PARD3B: variants seen among roughly 807,000 people sequenced by gnomAD.
PARD3B encodes partitioning defective 3 homolog B.
PARD3B carries 103 observed loss-of-function variants against 130.2 expected under a neutral mutation model. The observed-to-expected ratio is 0.79, with a 90% confidence interval of 0.67 to 0.93. The LOEUF (loss-of-function observed/expected upper bound fraction) is 0.93. PARD3B is among the 40% of genes least tolerant of loss of function. PARD3B has a pLI of 0.00. For synonymous variants in PARD3B, 583 were observed against 553.2 expected, an observed-to-expected ratio of 1.05 and a Z score of -0.76; for missense variants, 1,609 against 1,499.2, an observed-to-expected ratio of 1.07 and a Z score of -1.21.
At chr2:204,949,093 C>T (rs1689561838) in intron 2 of PARD3B, among the ~76,000 whole-genome samples, 2 of 152,102 alleles carry the variant, frequency 1.3e-5, no homozygotes, top group African/African-American at 4.8e-5. Flanking sequence ...TGAGATAAAA[C>T]TATTGAAAAC....
At chr2:205,056,654 A>G (rs1344159964) in intron 4 of PARD3B, among the ~76,000 whole-genome samples, 1 of 151,838 alleles carries the variant, frequency 6.6e-6, no homozygotes. Flanking sequence ...AAATTTTCAG[A>G]CTCACATAGC....
chr2:205,096,018 T>C (rs1387479568), intron 4 of PARD3B, among the ~76,000 whole-genome samples: 1 of 152,130 alleles, frequency 6.6e-6, no homozygotes, highest in East Asian at 1.9e-4. Context: ...ATAGATTTAT[T>C]CCTCAAAAGT....
At chr2:205,393,814 G>A (rs2045936377) in intron 18 of PARD3B, among the ~76,000 whole-genome samples, 2 of 152,028 alleles carry the variant, frequency 1.3e-5, no homozygotes, top group Non-Finnish European at 1.5e-5. Context: ...AAATGCCAGA[G>A]GACAAGCTGT....
intron 21 of PARD3B, among the ~76,000 whole-genome samples, chr2:205,547,163 C>CTAA (rs2052414688): frequency 6.6e-6 from 1 of 152,140 alleles, no homozygotes; most frequent in South Asian, 2.1e-4. Flanking sequence ...CTAGGAGACA[C>CTAA]TAATACATGT....
intron 20 of PARD3B, among the ~76,000 whole-genome samples, chr2:205,489,551 T>TATATACTTATATATATAC (rs1553524259): frequency 7.2e-6 from 1 of 138,494 alleles, no homozygotes; most frequent in African/African-American, 2.7e-5. Flanking sequence ...TATATATGTA[T>TATATACTTATATATATAC]ATATATACAT....
chr2:205,275,105 G>C (rs1240696613), intron 16 of PARD3B, among the ~76,000 whole-genome samples: 3 of 151,950 alleles, frequency 2.0e-5, no homozygotes, highest in African/African-American at 7.3e-5. Flanking sequence ...CTGCTTGAGA[G>C]GGAAGTGACT....
intron 10 of PARD3B, among the ~76,000 whole-genome samples, chr2:205,150,223 G>GTT (rs2033650504): frequency 1.7e-5 from 2 of 116,076 alleles, no homozygotes; most frequent in African/African-American, 6.4e-5. Flanking sequence ...GTGTGTGTGT[G>GTT]TGTGTGTGTG....
At chr2:205,543,561 TAC>T (rs1290757499) in intron 21 of PARD3B, among the ~76,000 whole-genome samples, 2 of 152,190 alleles carry the variant, frequency 1.3e-5, no homozygotes, top group African/African-American at 4.8e-5. Context: ...ACTGCCAACA[TAC>T]GAGCAGCATT....
At chr2:205,014,006 C>T (rs964482773) in intron 3 of PARD3B, among the ~76,000 whole-genome samples, 5 of 152,060 alleles carry the variant, frequency 3.3e-5, no homozygotes, top group African/African-American at 9.7e-5. Flanking sequence ...TTCACATTGC[C>T]GACAGCCCAC....
chr2:204,547,892 A>G (rs745705426), intron 1 of PARD3B, among the ~76,000 whole-genome samples: 5 of 152,180 alleles, frequency 3.3e-5, no homozygotes, highest in Non-Finnish European at 7.4e-5. Flanking sequence ...CGTAACTTAT[A>G]ATATCACAGA....
rs1362143676 is a variant in PARD3B at position 204,943,522 on chromosome 2, A to G, written c.223-21630A>G. ...CTTGCCCAGTGGTTATATGTGTGCC[A>G]GGTTTGAGGATCCTGCAAATTGCTC... On this transcript the variant is annotated intron_variant, in intron 2 of 22. Transcript: ENST00000406610. The surrounding 1 kb of genome is among the most constrained non-coding windows in gnomAD (Gnocchi z 4.2). Among the ~76,000 whole-genome samples the G allele has an allele frequency of 6.6e-6, 1 of 152,156 alleles. No individual in the cohort carries two copies. The highest frequency in any genetic ancestry group is 2.4e-5 in the African/African-American group (1 of 41,426).
chr2:204,648,604 T>A (rs1213443556), intron 1 of PARD3B, among the ~76,000 whole-genome samples: 1 of 126,652 alleles, frequency 7.9e-6, no homozygotes, highest in African/African-American at 3.0e-5. Flanking sequence ...TATAATATAT[T>A]TATATTTATA....
chr2:204,787,985 G>T (rs746446443), intron 2 of PARD3B, among the ~76,000 whole-genome samples: 2 of 152,148 alleles, frequency 1.3e-5, no homozygotes, highest in African/African-American at 4.8e-5. Context: ...ACAGTATCTG[G>T]TCTGTATTAG....
chr2:204,700,270 A>G (rs978942150), intron 2 of PARD3B, among the ~76,000 whole-genome samples: 11 of 152,132 alleles, frequency 7.2e-5, no homozygotes, highest in African/African-American at 2.7e-4. Context: ...TTATTCAGCT[A>G]TAGCATCTGA....
chr2:205,079,231 T>C (rs1701255140), intron 4 of PARD3B, among the ~76,000 whole-genome samples: 1 of 152,228 alleles, frequency 6.6e-6, no homozygotes, highest in Admixed American at 6.5e-5. Flanking sequence ...TTTAAATAAA[T>C]TACTTTATCT....
rs1305883191 is a variant in PARD3B, at chr2:205,460,497, C to A, written c.3044+19825C>A. On this transcript the variant is annotated intron_variant, in intron 20 of 22. Coordinates refer to ENST00000406610, the MANE Select transcript of PARD3B (RefSeq NM_001302769.2). This position sits in a 1 kb window ranked among gnomAD's most constrained non-coding sequence, Gnocchi z 4.9. ...GCCCAGCATTGAGGTACTTTACATG[C>A]AATATGATGTCTCTTGAGCAACATT... Among the ~76,000 whole-genome samples the A allele has an allele frequency of 6.6e-6, 1 of 151,994 alleles. No individual in the cohort carries two copies. Among genetic ancestry groups the A allele is most frequent in the African/African-American group, 2.4e-5 (1 of 41,368 alleles).
intron 1 of PARD3B, among the ~76,000 whole-genome samples, chr2:204,636,214 T>C (rs1415562928): frequency 2.0e-5 from 3 of 152,194 alleles, no homozygotes; most frequent in African/African-American, 7.2e-5. Context: ...TATTTCTGTT[T>C]CCAGTGTCAT....
At chr2:204,616,919 AGTATGTGTTAAGTTCTTTC>A (rs1312077162) in intron 1 of PARD3B, among the ~76,000 whole-genome samples, 1 of 152,200 alleles carries the variant, frequency 6.6e-6, no homozygotes, top group Non-Finnish European at 1.5e-5. Flanking sequence ...GTCAGTGTGC[AGTATGTGTTAAGTTCTTTC>A]GTCCCTTAAA....
chr2:205,571,120 CATTCTT>C (rs890157591), intron 22 of PARD3B, among the ~76,000 whole-genome samples: 4 of 152,148 alleles, frequency 2.6e-5, no homozygotes, highest in Admixed American at 6.5e-5. Flanking sequence ...GTGTTTTATT[CATTCTT>C]ATTCTTAACA....
Sources: allele counts gnomAD v4.1 joint callset (sites outside exome capture counted in the v4.1 genomes callset), GRCh38; gene constraint gnomAD v4.1.1; non-coding constraint Gnocchi (gnomAD v3.1); transcripts MANE v1.5; gene names NCBI Gene and HGNC (gene_info 2026-07-23, HGNC 2026-07-21).